The following CNNM1 variants were observed in gnomAD, a reference collection of about 807,000 sequenced individuals.
The protein encoded by CNNM1 is cyclin and CBS domain divalent metal cation transport mediator 1.
In CNNM1, 44 loss-of-function variants were observed where a neutral mutation model predicts 78.8. The observed-to-expected ratio is 0.56, with a 90% confidence interval of 0.44 to 0.72. The LOEUF is 0.72. CNNM1 is among the 30% of genes least tolerant of loss of function. The pLI, the probability that CNNM1 is intolerant of heterozygous loss-of-function variation, is 0.00. For synonymous variants in CNNM1, 584 were observed against 581.5 expected, an observed-to-expected ratio of 1.00 and a Z score of -0.06; for missense variants, 1,101 against 1,292.2, an observed-to-expected ratio of 0.85 and a Z score of 2.27.
intron 7 of CNNM1, among the ~76,000 whole-genome samples, chr10:99,378,486 G>A (rs1192850606): frequency 2.0e-5 from 3 of 152,170 alleles, no homozygotes; most frequent in African/African-American, 4.8e-5. Context: ...TGTGCTGGCC[G>A]GTTTTCTGTG....
intron 1 of CNNM1, among the ~76,000 whole-genome samples, chr10:99,356,572 G>GAAAGAAAAGA (rs1554940050): frequency 6.9e-4 from 80 of 115,248 alleles, no homozygotes; most frequent in East Asian, 1.5e-3. Flanking sequence ...CAGAAAGAAA[G>GAAAGAAAAGA]AAAGAAAGAA....
intron 1 of CNNM1, among the ~76,000 whole-genome samples, chr10:99,354,348 T>C (rs2134037359): frequency 6.6e-6 from 1 of 152,360 alleles, no homozygotes; most frequent in African/African-American, 2.4e-5. Context: ...AAGGTTTAAA[T>C]TTTAATTTAA....
At chr10:99,343,836 T>G (rs1187517620) in intron 1 of CNNM1, among the ~76,000 whole-genome samples, 1 of 151,932 alleles carries the variant, frequency 6.6e-6, no homozygotes, top group Non-Finnish European at 1.5e-5. Context: ...TGCCTCAGCC[T>G]CCTGAGTAGC....
intron 6 of CNNM1, among the ~76,000 whole-genome samples, chr10:99,372,214 C>A (rs992365950): frequency 5.9e-5 from 9 of 152,136 alleles, no homozygotes; most frequent in Non-Finnish European, 8.8e-5. Context: ...ATACCCTTTG[C>A]CACCCTGCCC....
At chr10:99,384,101 A>G (rs993066717) in intron 7 of CNNM1, among the ~76,000 whole-genome samples, 1 of 152,224 alleles carries the variant, frequency 6.6e-6, no homozygotes, top group Non-Finnish European at 1.5e-5. Flanking sequence ...AAATGTGACT[A>G]CTAGAAAACT....
At chr10:99,364,643 G>T (rs912741173) in intron 5 of CNNM1, 127 bp downstream of exon 5, 16 of 753,422 alleles carry the variant, frequency 2.1e-5, no homozygotes, top group African/African-American at 2.1e-4. Context: ...AACTTCCTTG[G>T]CTTTAGTTCC....
intron 1 of CNNM1, among the ~76,000 whole-genome samples, chr10:99,348,247 C>G (rs796120639): frequency 5.9e-5 from 9 of 152,142 alleles, no homozygotes; most frequent in African/African-American, 1.9e-4. Context: ...AGTTTTGATT[C>G]ATTGCCCAGG....
At position 99,330,595 on chromosome 10, in the gene CNNM1, C is replaced by T. The variant is rs1470983742; in HGVS notation, c.1208C>T (p.Ala403Val). 1.2e-6 allele frequency: 2 copies of T among 1,612,698 alleles called. No individual in the cohort carries two copies. Among genetic ancestry groups the T allele is most frequent in the Admixed American group, 1.7e-5 (1 of 59,750 alleles). Residue 403 changes from alanine (A) to valine (V), a missense_variant, in exon 1 of 11, where the codon GCC (alanine) becomes GTC (valine). Transcript: ENST00000356713. ...GAGAAGTTGCTGGAGACGTTGCGGG[C>T]CGCAGACCCCTACAGTGACCTGGTG... The part of the protein sequence containing the change: ...TREKLLETLR[A>V]ADPYSDLVKE...
At chr10:99,385,033 A>G (rs1386471904) in intron 7 of CNNM1, among the ~76,000 whole-genome samples, 2 of 151,394 alleles carry the variant, frequency 1.3e-5, no homozygotes, top group Non-Finnish European at 2.9e-5. Context: ...CCTGGGCAAG[A>G]CAGAGCGAGA....
intron 6 of CNNM1, among the ~76,000 whole-genome samples, chr10:99,376,341 G>A (rs928482453): frequency 4.6e-5 from 7 of 152,232 alleles, no homozygotes; most frequent in African/African-American, 1.4e-4. Flanking sequence ...TGGTTGCTAT[G>A]AACATTTGTC....
chr10:99,359,601 A>G (rs962265627), intron 2 of CNNM1, among the ~76,000 whole-genome samples: 17 of 152,308 alleles, frequency 1.1e-4, no homozygotes, highest in African/African-American at 3.8e-4. Context: ...GAAGAGCTGC[A>G]CCGGCAGGAG....
intron 7 of CNNM1, among the ~76,000 whole-genome samples, chr10:99,380,568 A>G (rs567877963): frequency 6.6e-6 from 1 of 152,244 alleles, no homozygotes; most frequent in South Asian, 2.1e-4. Flanking sequence ...AGATGGGTGT[A>G]TCACCTGAGG....
chr10:99,361,028 C>T, intron 3 of CNNM1, 53 bp downstream of exon 3: 1 of 1,527,834 alleles, frequency 6.5e-7, no homozygotes, highest in Non-Finnish European at 8.8e-7. Flanking sequence ...TAGGGTGGGA[C>T]CCAGGCACCA....
At chr10:99,341,773 C>T (rs890757759) in intron 1 of CNNM1, among the ~76,000 whole-genome samples, 3 of 151,996 alleles carry the variant, frequency 2.0e-5, no homozygotes, top group South Asian at 2.1e-4. Flanking sequence ...GCTAGGCAGC[C>T]GAAGATATTT....
chr10:99,360,630 C>A (rs569614000), intron 2 of CNNM1, among the ~76,000 whole-genome samples: 7 of 152,144 alleles, frequency 4.6e-5, no homozygotes, highest in African/African-American at 1.7e-4. Context: ...ACTATACACC[C>A]CCTAAGTGTG....
intron 6 of CNNM1, 93 bp from the exon 7 acceptor site, chr10:99,376,962 C>T (rs940446286): frequency 8.1e-7 from 1 of 1,240,810 alleles, no homozygotes; most frequent in African/African-American, 1.5e-5. Flanking sequence ...GTAAACAACA[C>T]CTGTCTCTCC....
At chr10:99,391,364 A>T in intron 10 of CNNM1, 73 bp from the exon 11 acceptor site, 1 of 1,177,340 alleles carries the variant, frequency 8.5e-7, no homozygotes, top group Non-Finnish European at 1.2e-6. Flanking sequence ...TTTTGAAAAG[A>T]ACTCAGACTG....
In CNNM1 at chr10:99,356,486, AAGAGAGAGAGAG is replaced by A. The variant is rs60050038; in HGVS notation, c.1574-1012_1574-1001del. On this transcript the variant is annotated intron_variant, in intron 1 of 10. Coordinates refer to ENST00000356713, the MANE Select transcript of CNNM1 (RefSeq NM_020348.3). The stretch of plus-strand genomic sequence containing the variant: ...AGAGACTCCATCTCAGAAAGAAAGA[AAGAGAGAGAGAG>A]AGAGAGAGAGAGAAAGAGAAAGAGA... Among the ~76,000 whole-genome samples the A allele has an allele frequency of 5.8e-5, 8 of 137,082 alleles. No homozygotes were observed. In the South Asian group the frequency reaches 1.2e-3, roughly 20 times the overall value. The allele number at this position is 137,082 out of a possible 152,430, so 89.9% of individuals were successfully genotyped here. A position where few individuals can be genotyped will look rare whatever the true frequency, so the allele number is the denominator to read the frequency against.
Position 99,329,403 on chromosome 10 carries a change from G to A in CNNM1, c.16G>A (p.Ala6Thr). MAAAAAAAAAVGVRLR... is the reference protein window; with the variant it reads MAAAATAAAAVGVRLR... ...TGGGTGCAGGATGGCGGCGGCCGCG[G>A]CGGCGGCAGCAGCGGTGGGTGTCAG... Residue 6 changes from alanine (A) to threonine (T), a missense_variant, in exon 1 of 11, where the codon GCG becomes ACG. Around this residue, in one of 3 missense-constraint regions of CNNM1, gnomAD observed 476 missense variants for 484.5 expected, o/e 0.98. Coordinates refer to ENST00000356713, the MANE Select transcript of CNNM1 (RefSeq NM_020348.3). 1 of 833,318 alleles carries A rather than the reference G, an allele frequency of 1.2e-6. No individual in the cohort carries two copies. The allele number at this position is 833,318 out of a possible 1,614,324, so 51.6% of individuals were successfully genotyped here. A position where few individuals can be genotyped will look rare whatever the true frequency, so the allele number is the denominator to read the frequency against.
Sources: gnomAD v4.1 joint callset for allele counts (sites outside exome capture counted in the v4.1 genomes callset) on GRCh38, gnomAD v4.1.1 for gene constraint, gnomAD v4.1.1 regional missense constraint, MANE v1.5 for transcripts, NCBI Gene and HGNC (gene_info 2026-07-23, HGNC 2026-07-21) for gene names.